The following TMEM245 variants were observed in gnomAD, a reference collection of about 807,000 sequenced individuals.
TMEM245 encodes the protein transmembrane protein 245.
A neutral mutation model predicts 101.2 loss-of-function variants in TMEM245; 69 were observed. The ratio of observed to expected loss-of-function variants is 0.68; its 90% confidence interval spans 0.56 to 0.83. TMEM245 has a LOEUF of 0.83. Among genes scored for constraint, TMEM245 ranks in the 40% least tolerant of loss-of-function variants. The probability of loss-of-function intolerance (pLI) is 0.00; values close to 1 mark genes in which losing one functional copy is unlikely to be tolerated. For synonymous variants in TMEM245, 537 were observed against 449.8 expected (o/e 1.19, Z -2.45); for missense variants, 1,075 against 1,092.8 (o/e 0.98, Z 0.23).
intron 9 of TMEM245, among the ~76,000 whole-genome samples, chr9:109,065,249 A>G (rs1829132513): frequency 6.6e-6 from 1 of 152,198 alleles, no homozygotes; most frequent in African/African-American, 2.4e-5. Context: ...AGGGTTCTCA[A>G]AGTGTGGTCC....
intron 12 of TMEM245, among the ~76,000 whole-genome samples, chr9:109,055,769 G>C (rs991768085): frequency 4.6e-5 from 7 of 152,020 alleles, no homozygotes; most frequent in African/African-American, 1.7e-4. Flanking sequence ...CGAGTATCTG[G>C]GATTACAGGC....
Position 109,119,562 on chromosome 9 carries a change from G to A in TMEM245, c.352C>T (p.Pro118Ser), listed in dbSNP as rs1830841591. Residue 118 changes from proline (P) to serine (S), a missense_variant, in exon 1 of 18, where the codon CCC (proline) becomes TCC (serine). Pro to Ser is a moderately conservative substitution (Grantham distance 74). Coordinates refer to ENST00000374586, the MANE Select transcript of TMEM245 (RefSeq NM_032012.4). ...AGGAGCAGCGCGGCCAGGACGATGG[G>A]CGTGTGCGCGCGGTGCAGGCGCTGC... is the stretch of plus-strand genomic sequence containing the variant. ...WLQRLHRAHT[P>S]IVLAALLLPL... 3.2e-6 allele frequency: 5 copies of A among 1,538,702 alleles called. No individual in the cohort carries two copies. Among genetic ancestry groups the A allele is most frequent in the Non-Finnish European group, 4.4e-6 (5 of 1,147,262 alleles).
chr9:109,059,938 A>G (rs1355578607), intron 11 of TMEM245, among the ~76,000 whole-genome samples: 1 of 152,038 alleles, frequency 6.6e-6, no homozygotes, highest in Non-Finnish European at 1.5e-5. Flanking sequence ...ATATCTTATT[A>G]AATTTTTTCT....
intron 5 of TMEM245, among the ~76,000 whole-genome samples, chr9:109,088,110 C>T (rs1829893134): frequency 6.6e-6 from 1 of 152,222 alleles, no homozygotes; most frequent in Non-Finnish European, 1.5e-5. Flanking sequence ...AACTGTGAGG[C>T]TTGCCTTCAA....
intron 6 of TMEM245, among the ~76,000 whole-genome samples, chr9:109,086,636 C>A (rs1829847686): frequency 6.6e-6 from 1 of 152,198 alleles, no homozygotes; most frequent in South Asian, 2.1e-4. Context: ...GAAACCAAGG[C>A]ACAGAAAGGT....
At chr9:109,081,940 C>A (rs1382177759) in intron 7 of TMEM245, among the ~76,000 whole-genome samples, 1 of 152,134 alleles carries the variant, frequency 6.6e-6, no homozygotes, top group Non-Finnish European at 1.5e-5. Flanking sequence ...TCCTTTCATG[C>A]AAAGCTACCA....
intron 14 of TMEM245, among the ~76,000 whole-genome samples, chr9:109,046,815 T>C (rs938711379): frequency 1.3e-5 from 2 of 152,236 alleles, no homozygotes; most frequent in African/African-American, 4.8e-5. Context: ...TCAAAATCTT[T>C]TTCCATGAAG....
chr9:109,024,504 G>GA (rs1588013954), intron 17 of TMEM245, among the ~76,000 whole-genome samples: 1 of 152,136 alleles, frequency 6.6e-6, no homozygotes, highest in Non-Finnish European at 1.5e-5. Context: ...CAACTAATGG[G>GA]AAAAAACAAT....
chr9:109,119,497 G>T lies in TMEM245; in HGVS notation c.417C>A (p.Gly139=). The change falls in exon 1 of 18, where the codon GGC becomes GGA. Residue 139 remains glycine, a synonymous_variant. Transcript: ENST00000374586. ...CFVDYGVEAL[G]EQALRRRRLL... The stretch of plus-strand genomic sequence containing the variant: ...GGCGGCGGCGGCGCAGCGCCTGCTC[G>T]CCCAGGGCCTCGACGCCGTAGTCGA... The T allele has an allele frequency of 1.3e-6, 2 of 1,499,948 alleles. No individual in the cohort carries two copies. Among genetic ancestry groups the T allele is most frequent in the African/African-American group, 1.5e-5 (1 of 68,824 alleles). 92.9% of individuals were successfully genotyped at this position (1,499,948 alleles called of 1,614,324 possible).
chr9:109,057,622 G>A (rs7866782), intron 11 of TMEM245, among the ~76,000 whole-genome samples: 8,561 of 151,990 alleles, frequency 0.056, 822 homozygotes, highest in African/African-American at 0.2. Context: ...GTGGTGGCAC[G>A]TGCCTGTAAT....
intron 1 of TMEM245, among the ~76,000 whole-genome samples, chr9:109,110,117 A>G (rs1830529384): frequency 6.6e-6 from 1 of 152,186 alleles, no homozygotes; most frequent in Non-Finnish European, 1.5e-5. Context: ...ATGGGAAGTG[A>G]GACTACAGCT....
chr9:109,039,866 T>C (rs12341137), intron 14 of TMEM245, among the ~76,000 whole-genome samples: 4,078 of 151,700 alleles, frequency 0.027, 183 homozygotes, highest in African/African-American at 0.093. Flanking sequence ...GAAAAAAGTA[T>C]AGAATTTGTC....
At chr9:109,054,797 A>T (rs1303541828) in intron 12 of TMEM245, among the ~76,000 whole-genome samples, 1 of 152,208 alleles carries the variant, frequency 6.6e-6, no homozygotes, top group Non-Finnish European at 1.5e-5. Context: ...TTACCGTGCA[A>T]ACTATTTAAC....
chr9:109,050,522 C>T (rs1828642409), intron 13 of TMEM245, 48 bp downstream of exon 13: 1 of 1,613,242 alleles, frequency 6.2e-7, no homozygotes, highest in African/African-American at 1.3e-5. Context: ...CAGAAATATG[C>T]TTTAACAGGG....
At chr9:109,103,031 T>C (rs892471706) in intron 3 of TMEM245, among the ~76,000 whole-genome samples, 3 of 152,196 alleles carry the variant, frequency 2.0e-5, no homozygotes, top group African/African-American at 4.8e-5. Context: ...CAGATATAGG[T>C]CACTCACAGC....
intron 1 of TMEM245, among the ~76,000 whole-genome samples, 160 bp from the exon 2 acceptor site, chr9:109,108,730 G>A (rs548275800): frequency 3.3e-5 from 5 of 152,232 alleles, no homozygotes; most frequent in South Asian, 2.1e-4. Flanking sequence ...GGTTCTCCTC[G>A]TTTGGAGAAC....
intron 17 of TMEM245, among the ~76,000 whole-genome samples, chr9:109,024,332 C>T (rs1225663328): frequency 6.6e-6 from 1 of 152,152 alleles, no homozygotes; most frequent in East Asian, 1.9e-4. Context: ...TTACTATGTC[C>T]CATCGTCTTT....
chr9:109,053,884 G>A (rs2132405250), intron 12 of TMEM245, among the ~76,000 whole-genome samples: 1 of 152,342 alleles, frequency 6.6e-6, no homozygotes, highest in South Asian at 2.1e-4. Flanking sequence ...ACCTCTGTCT[G>A]CCTCAGAGAC....
chr9:109,054,921 A>T (rs888509416), intron 12 of TMEM245, among the ~76,000 whole-genome samples: 1 of 152,224 alleles, frequency 6.6e-6, no homozygotes, highest in African/African-American at 2.4e-5. Flanking sequence ...ATTTGACACA[A>T]AACATTTCAT....
Sources: gnomAD v4.1 joint callset for allele counts (sites outside exome capture counted in the v4.1 genomes callset) on GRCh38, gnomAD v4.1.1 for gene constraint, MANE v1.5 for transcripts, NCBI Gene and HGNC (gene_info 2026-07-23, HGNC 2026-07-21) for gene names.